The following GALNT11 variants were observed in gnomAD, a reference collection of about 807,000 sequenced individuals.
GALNT11 encodes polypeptide N-acetylgalactosaminyltransferase 11, also known as UDP-GalNAc:polypeptide N-acetylgalactosaminyltransferase 11.
GALNT11 carries 47 observed loss-of-function variants against 72.7 expected under a neutral mutation model. That is an observed-to-expected ratio of 0.65 (90% CI 0.51 to 0.82). The LOEUF (loss-of-function observed/expected upper bound fraction) is 0.82. Ranked by LOEUF, GALNT11 falls within the 40% of genes least tolerant of loss-of-function variation. The probability of loss-of-function intolerance (pLI) is 0.00; values close to 1 mark genes in which losing one functional copy is unlikely to be tolerated. For synonymous variants in GALNT11, 270 were observed against 286.6 expected (o/e 0.94, Z 0.58); for missense variants, 677 against 778.4 (o/e 0.87, Z 1.55).
At chr7:152,116,972 T>G in intron 8 of GALNT11, 185 bp from the exon 9 acceptor site, 1 of 699,886 alleles carries the variant, frequency 1.4e-6, no homozygotes, top group Non-Finnish European at 2.6e-6. Flanking sequence ...TGACTGAGAC[T>G]CACGAGTTTG....
Position 152,110,773 on chromosome 7 carries a change from C to T in GALNT11, c.1080+128C>T, listed in dbSNP as rs1454698245. The T allele has an allele frequency of 5.5e-6, 4 of 722,692 alleles. No individual in the cohort carries two copies. The East Asian group carries it at 1.2e-4, about 21-fold the overall frequency. 44.8% of individuals were successfully genotyped at this position (722,692 alleles called of 1,614,324 possible). On this transcript the variant is annotated intron_variant, in intron 7 of 11. Transcript: ENST00000430044. ...CGAGATAGGGTCTTTCTCTGCTGCC[C>T]AGGTTGGAGTGCAGTGGCGTGGTCA...
chr7:152,035,657 C>T (rs143228659), intron 1 of GALNT11, among the ~76,000 whole-genome samples: 1,997 of 152,264 alleles, frequency 0.013, 41 homozygotes, highest in African/African-American at 0.044. Context: ...AGCCCTATCC[C>T]GGAAAGCCTG....
chr7:152,081,735 T>C (rs2085336808), intron 1 of GALNT11, among the ~76,000 whole-genome samples: 1 of 152,186 alleles, frequency 6.6e-6, no homozygotes, highest in South Asian at 2.1e-4. Context: ...TTTTTTAAAA[T>C]GGTTTATGGG....
chr7:152,116,769 A>T, intron 8 of GALNT11: 1 of 365,600 alleles, frequency 2.7e-6, no homozygotes, highest in Non-Finnish European at 5.3e-6. Flanking sequence ...CAGCCAGCAA[A>T]AAGGTTTGCA....
chr7:152,122,238 T>TTAAC lies in GALNT11; in HGVS notation c.*563_*566dup, dbSNP rs1251787672. ...TTAAAAAACTGAATCTATATTATGT[T>TTAAC]TAACTTCAGAAGGCATCATTTATAA... On this transcript the variant is annotated 3_prime_UTR_variant, in exon 12 of 12. Coordinates refer to ENST00000430044, the MANE Select transcript of GALNT11 (RefSeq NM_022087.4). 1 of 152,228 alleles carries TTAAC rather than the reference T, an allele frequency of 6.6e-6. No homozygotes were observed. Among genetic ancestry groups the TTAAC allele is most frequent in the Non-Finnish European group, 1.5e-5 (1 of 68,046 alleles). 9.4% of individuals were successfully genotyped at this position (152,228 alleles called of 1,614,324 possible).
At chr7:152,054,784 G>A (rs932141788) in intron 1 of GALNT11, among the ~76,000 whole-genome samples, 1 of 151,944 alleles carries the variant, frequency 6.6e-6, no homozygotes, top group Non-Finnish European at 1.5e-5. Context: ...CTCCCAAAGT[G>A]CTAGGACTAC....
intron 1 of GALNT11, among the ~76,000 whole-genome samples, chr7:152,038,535 A>G (rs1275095026): frequency 1.3e-5 from 2 of 152,234 alleles, no homozygotes; most frequent in Non-Finnish European, 2.9e-5. Context: ...CATCACGAGC[A>G]TGTCACAGTG....
intron 1 of GALNT11, among the ~76,000 whole-genome samples, chr7:152,047,345 T>G (rs1011652451): frequency 6.6e-6 from 1 of 152,092 alleles, no homozygotes; most frequent in Non-Finnish European, 1.5e-5. Flanking sequence ...GTGCCTGTAA[T>G]CCCAGCTACT....
At chr7:152,063,397 C>T (rs1348898914) in intron 1 of GALNT11, among the ~76,000 whole-genome samples, 1 of 152,112 alleles carries the variant, frequency 6.6e-6, no homozygotes, top group Non-Finnish European at 1.5e-5. Flanking sequence ...TTTTGCTGAT[C>T]TTTTCAAAAA....
intron 8 of GALNT11, among the ~76,000 whole-genome samples, chr7:152,116,664 T>C (rs1196420965): frequency 6.6e-6 from 1 of 152,196 alleles, no homozygotes; most frequent in Non-Finnish European, 1.5e-5. Flanking sequence ...TATATATAGG[T>C]TGTAATTTTA....
intron 1 of GALNT11, among the ~76,000 whole-genome samples, chr7:152,069,656 T>G (rs999524341): frequency 6.6e-6 from 1 of 152,216 alleles, no homozygotes; most frequent in African/African-American, 2.4e-5. Flanking sequence ...TTTATCATTA[T>G]ATAAGATCCT....
intron 1 of GALNT11, among the ~76,000 whole-genome samples, chr7:152,037,314 A>C (rs1203292238): frequency 6.6e-6 from 1 of 152,144 alleles, no homozygotes. Context: ...TTTATTGAAG[A>C]GACTCTCCTT....
At chr7:152,118,075 G>A (rs574612778) in intron 9 of GALNT11, 1 of 152,806 alleles carries the variant, frequency 6.5e-6, no homozygotes, top group South Asian at 2.1e-4. Context: ...TCAGTGGCTA[G>A]GAGGAAGCCT....
intron 1 of GALNT11, among the ~76,000 whole-genome samples, chr7:152,058,587 C>T (rs764333646): frequency 1.3e-5 from 2 of 152,140 alleles, no homozygotes; most frequent in African/African-American, 2.4e-5. Flanking sequence ...CCGCCTGTCT[C>T]GGCCTCCCAA....
intron 1 of GALNT11, among the ~76,000 whole-genome samples, chr7:152,078,527 C>G (rs1389446712): frequency 6.6e-6 from 1 of 152,122 alleles, no homozygotes; most frequent in East Asian, 1.9e-4. Flanking sequence ...TAAATAATGG[C>G]AAAGATTTTT....
In GALNT11 at chr7:152,113,291, G is replaced by A. The variant is rs1176522157; in HGVS notation, c.1126G>A (p.Val376Ile). ...GKLFIIPCSRVGHIFRKRRPY... is the reference protein window; with the variant it reads ...GKLFIIPCSRIGHIFRKRRPY... Reference sequence around the variant, plus strand: ...GCTCTTCATCATCCCTTGCTCTAGAGTAGGACACATTTTCCGAAAAAGGCG... The same window carrying A: ...GCTCTTCATCATCCCTTGCTCTAGAATAGGACACATTTTCCGAAAAAGGCG... The change falls in exon 8 of 12, where the codon GTA becomes ATA. Residue 376 changes from valine (V) to isoleucine (I), a missense_variant. Coordinates refer to ENST00000430044, the MANE Select transcript of GALNT11 (RefSeq NM_022087.4). 9 of 1,614,092 alleles carry A rather than the reference G, an allele frequency of 5.6e-6. No homozygotes were observed. The highest frequency in any genetic ancestry group is 6.8e-6 in the Non-Finnish European group (8 of 1,180,010).
At position 152,105,364 on chromosome 7, in the gene GALNT11, G is replaced by A. The variant is rs369518882; in HGVS notation, c.706G>A (p.Ala236Thr). 1.1e-5 allele frequency: 18 copies of A among 1,612,490 alleles called. No individual in the cohort carries two copies. The highest frequency in any genetic ancestry group is 1.0e-4 in the Admixed American group (6 of 59,698). ...AGGGAGAATGATTGGCGCGGCCCAC[G>A]CGACAGGTATCACTTCTCGTTAGCT... ...IRGRMIGAAH[A>T]TGEVLVFLDS... The change falls in exon 5 of 12, where the codon GCG becomes ACG. Residue 236 changes from alanine to threonine, a missense_variant. Coordinates refer to ENST00000430044, the MANE Select transcript of GALNT11 (RefSeq NM_022087.4).
intron 9 of GALNT11, 54 bp from the exon 10 acceptor site, chr7:152,118,624 G>GGGA: frequency 1.3e-6 from 2 of 1,528,462 alleles, no homozygotes; most frequent in East Asian, 4.6e-5. Flanking sequence ...CTCCAGGCTT[G>GGGA]GGAGGCGTCT....
At chr7:152,066,622 G>C (rs550752181) in intron 1 of GALNT11, among the ~76,000 whole-genome samples, 1 of 152,322 alleles carries the variant, frequency 6.6e-6, no homozygotes, top group South Asian at 2.1e-4. Flanking sequence ...AGTGAGAGAT[G>C]TGTGACTCTT....
Sources: allele counts gnomAD v4.1 joint callset (sites outside exome capture counted in the v4.1 genomes callset), GRCh38; gene constraint gnomAD v4.1.1; transcripts MANE v1.5; gene names NCBI Gene and HGNC (gene_info 2026-07-23, HGNC 2026-07-21).